ZNF284: variants seen among roughly 807,000 people sequenced by gnomAD.
The protein encoded by ZNF284 is zinc finger protein 284.
In ZNF284, 12 loss-of-function variants were observed where a neutral mutation model predicts 12.9. That is an observed-to-expected ratio of 0.93 (90% CI 0.60 to 1.51). ZNF284 has a LOEUF of 1.51. ZNF284 is among the 40% of genes most tolerant of loss of function. ZNF284 has a pLI of 0.00. For missense variants in ZNF284, 667 were observed against 707.3 expected, an observed-to-expected ratio of 0.94 and a Z score of 0.65; for synonymous variants, 225 against 236.5, an observed-to-expected ratio of 0.95 and a Z score of 0.45.
chr19:44,085,595 A>G, intron 4 of ZNF284, 119 bp from the exon 5 acceptor site: 1 of 929,980 alleles, frequency 1.1e-6, no homozygotes. Context: ...GCACTTGGAA[A>G]ACACAAACTG....
chr19:44,084,650 G>C (rs751110402), intron 4 of ZNF284, among the ~76,000 whole-genome samples: 7 of 152,122 alleles, frequency 4.6e-5, no homozygotes, highest in Non-Finnish European at 1.0e-4. Context: ...CCATTCCCTA[G>C]AGTATGGGAC....
At chr19:44,076,475 G>C in intron 2 of ZNF284, 71 bp downstream of exon 2, 2 of 1,535,096 alleles carry the variant, frequency 1.3e-6, no homozygotes, top group Non-Finnish European at 8.9e-7. Context: ...TGTTTTTCTC[G>C]GTCTTGGGAA....
At chr19:44,080,377 G>A (rs1599878447) in intron 2 of ZNF284, among the ~76,000 whole-genome samples, 1 of 152,146 alleles carries the variant, frequency 6.6e-6, no homozygotes, top group Non-Finnish European at 1.5e-5. Context: ...CCGGCAAATC[G>A]CCTGAGGTCG....
rs1391771775 is a variant in ZNF284, at chr19:44,088,079, A to C, written c.*819A>C. ...GCCACCATGCCCACCATGCCTAAAA[A>C]TTTTTGTATTTTTAGTGAAGATGGG... is the stretch of plus-strand genomic sequence containing the variant. On this transcript the variant is annotated 3_prime_UTR_variant, in exon 5 of 5. Transcript: ENST00000421176. The C allele has an allele frequency of 6.6e-6, 1 of 151,320 alleles. No homozygotes were observed. Among genetic ancestry groups the C allele is most frequent in the Admixed American group, 6.6e-5 (1 of 15,202 alleles). 9.4% of individuals were successfully genotyped at this position (151,320 alleles called of 1,614,324 possible). A position where few individuals can be genotyped will look rare whatever the true frequency, so the allele number is the denominator to read the frequency against.
intron 1 of ZNF284, among the ~76,000 whole-genome samples, chr19:44,074,220 A>G (rs1160512724): frequency 2.0e-5 from 3 of 151,930 alleles, no homozygotes; most frequent in Non-Finnish European, 4.4e-5. Context: ...AGACATGGTG[A>G]CGCATGCCTG....
chr19:44,084,603 C>T (rs1967195117), intron 4 of ZNF284, among the ~76,000 whole-genome samples: 1 of 152,164 alleles, frequency 6.6e-6, no homozygotes, highest in African/African-American at 2.4e-5. Context: ...TCCCTTTGTA[C>T]TGTACTGGGG....
chr19:44,077,342 T>C (rs1316493780), intron 2 of ZNF284, among the ~76,000 whole-genome samples: 1 of 152,204 alleles, frequency 6.6e-6, no homozygotes, highest in African/African-American at 2.4e-5. Context: ...TGTGTGTATG[T>C]TATTTACTGG....
chr19:44,081,074 G>A lies in ZNF284; in HGVS notation c.75G>A (p.Leu25=), dbSNP rs1967114377. ...VVFTEEELGL[L]DVSQRKLYRD... is the part of the protein sequence containing the mutation. Reference sequence around the variant, plus strand: ...TCACCGAGGAGGAGCTGGGGCTGCTGGACGTTTCCCAGAGGAAGCTGTATC... The same window carrying A: ...TCACCGAGGAGGAGCTGGGGCTGCTAGACGTTTCCCAGAGGAAGCTGTATC... Residue 25 remains leucine (L), a synonymous_variant, in exon 3 of 5, where the codon CTG becomes CTA. Coordinates refer to ENST00000421176, the MANE Select transcript of ZNF284 (RefSeq NM_001037813.4). 1 of 1,613,134 alleles carries A rather than the reference G, an allele frequency of 6.2e-7. No homozygotes were observed. The highest frequency in any genetic ancestry group is 1.7e-5 in the Admixed American group (1 of 59,962).
At chr19:44,080,519 G>A (rs1022355927) in intron 2 of ZNF284, among the ~76,000 whole-genome samples, 2 of 152,208 alleles carry the variant, frequency 1.3e-5, no homozygotes, top group Non-Finnish European at 2.9e-5. Context: ...CCAGGAGGCA[G>A]GGGTTGCAGT....
chr19:44,076,349 A>T lies in ZNF284; in HGVS notation c.-41A>T. On this transcript the variant is annotated 5_prime_UTR_variant, in exon 2 of 5. Transcript: ENST00000421176. ...ACAATTCTGTCTTCTCTTGAACTGCATAACTGAGAACTCTGCAAATTCCCC... is the reference window on the plus strand; with the variant it reads ...ACAATTCTGTCTTCTCTTGAACTGCTTAACTGAGAACTCTGCAAATTCCCC... 1 of 1,602,334 alleles carries T rather than the reference A, an allele frequency of 6.2e-7. No homozygotes were observed. The highest frequency in any genetic ancestry group is 8.5e-7 in the Non-Finnish European group (1 of 1,173,786).
chr19:44,073,063 C>T (rs780891186), intron 1 of ZNF284, among the ~76,000 whole-genome samples: 1 of 152,194 alleles, frequency 6.6e-6, no homozygotes, highest in Non-Finnish European at 1.5e-5. Context: ...TAACTTTATC[C>T]CAAGAGCTTT....
chr19:44,082,218 T>G, intron 4 of ZNF284, 113 bp downstream of exon 4: 1 of 754,510 alleles, frequency 1.3e-6, no homozygotes, highest in South Asian at 2.1e-5. Context: ...TTTCCTGGAT[T>G]CTTACCTCCT....
chr19:44,076,173 T>G (rs542866017), intron 1 of ZNF284, 149 bp from the exon 2 acceptor site: 1 of 486,840 alleles, frequency 2.1e-6, no homozygotes, highest in East Asian at 2.9e-5. Flanking sequence ...GAAGGCATTT[T>G]GGTTGTGTGC....
intron 4 of ZNF284, among the ~76,000 whole-genome samples, chr19:44,082,497 G>A (rs547547856): frequency 1.6e-4 from 24 of 152,268 alleles, no homozygotes; most frequent in African/African-American, 5.5e-4. Flanking sequence ...ATCCTGCCAA[G>A]GACACTGTAT....
At chr19:44,073,629 CGCCTCCCAGGTTCACGCCATTCTCCT>C (rs1212171040) in intron 1 of ZNF284, among the ~76,000 whole-genome samples, 1 of 151,640 alleles carries the variant, frequency 6.6e-6, no homozygotes, top group Non-Finnish European at 1.5e-5. Context: ...CTGCTAACTC[CGCCTCCCAGGTTCACGCCATTCTCCT>C]GCCTCAGCCT....
At chr19:44,076,785 T>C (rs1967034413) in intron 2 of ZNF284, among the ~76,000 whole-genome samples, 1 of 151,766 alleles carries the variant, frequency 6.6e-6, no homozygotes, top group African/African-American at 2.4e-5. Flanking sequence ...TCATTATTTA[T>C]GGTTGCATCA....
At chr19:44,081,894 G>C in intron 3 of ZNF284, 119 bp from the exon 4 acceptor site, 1 of 706,292 alleles carries the variant, frequency 1.4e-6, no homozygotes, top group Non-Finnish European at 2.4e-6. Context: ...TTCAAGATGA[G>C]ATTTGGGGAC....
chr19:44,078,869 C>A, intron 2 of ZNF284, among the ~76,000 whole-genome samples: 1 of 152,184 alleles, frequency 6.6e-6, no homozygotes, highest in African/African-American at 2.4e-5. Flanking sequence ...TGGCTCACTA[C>A]AACCTCCGCC....
rs532795094 is a variant in ZNF284 at position 44,083,837 on chromosome 19, G to A, written c.235+1732G>A. 2.0e-5 allele frequency among the ~76,000 whole-genome samples: 3 copies of A among 152,148 alleles called. No individual in the cohort carries two copies. The South Asian group carries it at 6.2e-4, about 32-fold the overall frequency. ...ATGGGCTGGGTGGGCCAGTCCTGAG[G>A]CCCCCACATGGTGTGTGCAGGTGAG... On this transcript the variant is annotated intron_variant, in intron 4 of 4. Coordinates refer to ENST00000421176, the MANE Select transcript of ZNF284 (RefSeq NM_001037813.4).
Sources: gnomAD v4.1 joint callset for allele counts (sites outside exome capture counted in the v4.1 genomes callset) on GRCh38, gnomAD v4.1.1 for gene constraint, MANE v1.5 for transcripts, NCBI Gene and HGNC (gene_info 2026-07-23, HGNC 2026-07-21) for gene names.